Variants in NPY5R observed in about 807,000 individuals in gnomAD.
The protein encoded by NPY5R is neuropeptide Y receptor type 5.
In NPY5R, 21 loss-of-function variants were observed where a neutral mutation model predicts 24.8. The observed-to-expected ratio is 0.85, with a 90% CI of 0.60 to 1.22. NPY5R has a LOEUF of 1.22. Ranked by LOEUF, NPY5R falls within the 50% of genes most tolerant of loss-of-function variation. The pLI is 0.00. For synonymous variants in NPY5R, 175 were observed against 183.0 expected (o/e 0.96, Z 0.35); for missense variants, 481 against 521.3 (o/e 0.92, Z 0.75).
At chr4:163,350,216 C>T in intron 3 of NPY5R, 49 bp from the exon 4 acceptor site, 1 of 1,373,636 alleles carries the variant, frequency 7.3e-7, no homozygotes, top group Non-Finnish European at 9.9e-7. Context: ...TTAAAGTAGT[C>T]ATGTAATGTT....
chr4:163,349,243 TAG>T (rs1735379668), intron 3 of NPY5R: 1 of 437,074 alleles, frequency 2.3e-6, no homozygotes, highest in African/African-American at 2.1e-5. Flanking sequence ...TATTTGTTAC[TAG>T]AGTTTTGTTT....
In NPY5R at chr4:163,350,417, T is replaced by C; in HGVS notation, c.144T>C (p.Tyr48=). The change falls in exon 4 of 4, where the codon TAT becomes TAC. Residue 48 remains tyrosine, a synonymous_variant. Coordinates refer to ENST00000338566, the MANE Select transcript of NPY5R (RefSeq NM_006174.4). ...TACAGTATTTTCTGATTGGGCTCTA[T>C]ACATTTGTAAGTCTTCTTGGCTTTA... ...DDLQYFLIGL[Y]TFVSLLGFMG... The C allele has an allele frequency of 3.7e-6, 6 of 1,613,848 alleles. No individual in the cohort carries two copies. The highest frequency in any genetic ancestry group is 5.1e-6 in the Non-Finnish European group (6 of 1,179,710).
chr4:163,351,396 T>C lies in NPY5R; in HGVS notation c.1123T>C (p.Leu375=), dbSNP rs1686854487. Residue 375 remains leucine, a synonymous_variant, in exon 4 of 4, where the codon TTA becomes CTA. Transcript: ENST00000338566. ...TTTCTACAGACTGACCATACTGATA[T>C]TAGTATTTGCTGTTAGTTGGATGCC... ...SVFYRLTILI[L]VFAVSWMPLH... 6 of 1,612,344 alleles carry C rather than the reference T, an allele frequency of 3.7e-6. No homozygotes were observed. Among genetic ancestry groups the C allele is most frequent in the Non-Finnish European group, 5.1e-6 (6 of 1,178,608 alleles).
In NPY5R at chr4:163,346,837, A is replaced by C. The variant is rs146357945; in HGVS notation, c.-80-615A>C. ...TGTTGTAAATATATCTTACAGTTTT[A>C]GTTGCATGTTGCTTGTGTGATAGCC... On this transcript the variant is annotated intron_variant, in intron 2 of 3. Coordinates refer to ENST00000338566, the MANE Select transcript of NPY5R (RefSeq NM_006174.4). Among the ~76,000 whole-genome samples the C allele has an allele frequency of 6.6e-5, 10 of 152,290 alleles. No individual in the cohort carries two copies. The East Asian group carries it at 1.7e-3, about 26-fold the overall frequency.
At chr4:163,348,000 G>A (rs1735320024) in intron 3 of NPY5R, among the ~76,000 whole-genome samples, 2 of 152,126 alleles carry the variant, frequency 1.3e-5, no homozygotes, top group South Asian at 4.1e-4. Context: ...TTTGAAACTT[G>A]CTACACATAG....
At chr4:163,345,487 GTAAA>G (rs369894444) in intron 1 of NPY5R, 48 of 152,208 alleles carry the variant, frequency 3.2e-4, no homozygotes, top group African/African-American at 1.1e-3. Flanking sequence ...AAGAGAATGA[GTAAA>G]TATAGTAATT....
At position 163,351,424 on chromosome 4, in the gene NPY5R, T is replaced by C. The variant is rs770541555; in HGVS notation, c.1151T>C (p.Leu384Pro). Reference sequence around the variant, plus strand: ...GTATTTGCTGTTAGTTGGATGCCACTACACCTTTTCCATGTGGTAACTGAT... The same window carrying C: ...GTATTTGCTGTTAGTTGGATGCCACCACACCTTTTCCATGTGGTAACTGAT... Reference protein sequence around the residue: ...ILVFAVSWMPLHLFHVVTDFN... With the variant: ...ILVFAVSWMPPHLFHVVTDFN... The change falls in exon 4 of 4, where the codon CTA becomes CCA. Residue 384 changes from leucine to proline, a missense_variant. Coordinates refer to ENST00000338566, the MANE Select transcript of NPY5R (RefSeq NM_006174.4). The C allele has an allele frequency of 6.2e-7, 1 of 1,613,196 alleles. No homozygotes were observed. The highest frequency in any genetic ancestry group is 8.5e-7 in the Non-Finnish European group (1 of 1,179,274).
At chr4:163,349,651 T>A (rs1735394062) in intron 3 of NPY5R, among the ~76,000 whole-genome samples, 1 of 152,258 alleles carries the variant, frequency 6.6e-6, no homozygotes, top group African/African-American at 2.4e-5. Context: ...CTTGAAGTTC[T>A]TGTCTACATT....
chr4:163,347,851 C>A (rs550296287), intron 3 of NPY5R, among the ~76,000 whole-genome samples: 1 of 152,268 alleles, frequency 6.6e-6, no homozygotes, highest in South Asian at 2.1e-4. Context: ...GAATACAATC[C>A]TAAGTCTTTG....
At chr4:163,347,965 G>T (rs1735318644) in intron 3 of NPY5R, among the ~76,000 whole-genome samples, 1 of 152,142 alleles carries the variant, frequency 6.6e-6, no homozygotes, top group Admixed American at 6.5e-5. Flanking sequence ...TTTTCTCATA[G>T]CACAATGATG....
In NPY5R at chr4:163,351,226, C is replaced by G. The variant is rs776528732; in HGVS notation, c.953C>G (p.Ser318Cys). ...AGAATACTTCCAGAAAACTTTGGCT[C>G]TGTAAGAAGTCAGCTCTCTTCATCC... The part of the protein sequence containing the change: ...HSRILPENFG[S>C]VRSQLSSSSK... Residue 318 changes from serine (S) to cysteine (C), a missense_variant, in exon 4 of 4, where the codon TCT becomes TGT. Physicochemically the swap from Ser to Cys is moderately radical, Grantham distance 112. Transcript: ENST00000338566. The G allele has an allele frequency of 1.5e-5, 25 of 1,614,018 alleles. No homozygotes were observed. The South Asian group carries it at 2.5e-4, about 16-fold the overall frequency.
At position 163,351,517 on chromosome 4, in the gene NPY5R, T is replaced by C; in HGVS notation, c.1244T>C (p.Met415Thr). 1 of 1,613,278 alleles carries C rather than the reference T, an allele frequency of 6.2e-7. No homozygotes were observed. The highest frequency in any genetic ancestry group is 2.2e-5 in the East Asian group (1 of 44,862). ...TATTGCATTTGTCATTTGTTGGGCA[T>C]GATGTCCTGTTGTCTTAATCCAATT... is the stretch of plus-strand genomic sequence containing the variant. ...LVYCICHLLG[M>T]MSCCLNPILY... Residue 415 changes from methionine to threonine, a missense_variant, in exon 4 of 4, where the codon ATG becomes ACG. Coordinates refer to ENST00000338566, the MANE Select transcript of NPY5R (RefSeq NM_006174.4).
At position 163,350,813 on chromosome 4, in the gene NPY5R, T is replaced by C; in HGVS notation, c.540T>C (p.Leu180=). Residue 180 remains leucine, a synonymous_variant, in exon 4 of 4, where the codon CTT becomes CTC. Transcript: ENST00000338566. ...CTCCCCTTCCAGTGTTTCACAGTCT[T>C]GTGGAACTTCAAGAAACATTTGGTT... ...ICSPLPVFHS[L]VELQETFGSA... 1 of 1,614,224 alleles carries C rather than the reference T, an allele frequency of 6.2e-7. No individual in the cohort carries two copies. The highest frequency in any genetic ancestry group is 1.7e-5 in the Admixed American group (1 of 60,032).
intron 1 of NPY5R, chr4:163,345,286 G>A (rs1735184216): frequency 6.6e-6 from 1 of 152,030 alleles, no homozygotes; most frequent in African/African-American, 2.4e-5. Flanking sequence ...TATTCAGAAG[G>A]TTTCATTTGT....
At chr4:163,347,391 C>T (rs1476956264) in intron 2 of NPY5R, 61 bp from the exon 3 acceptor site, 1 of 152,134 alleles carries the variant, frequency 6.6e-6, no homozygotes, top group Non-Finnish European at 1.5e-5. Flanking sequence ...GTTACATGTT[C>T]CAAAAAGGCA....
chr4:163,351,779 A>G lies in NPY5R; in HGVS notation c.*168A>G, dbSNP rs1323961976. 1.6e-5 allele frequency: 8 copies of G among 492,514 alleles called. No individual in the cohort carries two copies. The highest frequency in any genetic ancestry group is 7.9e-5 in the African/African-American group (4 of 50,918). The allele number at this position is 492,514 out of a possible 1,614,324, so 30.5% of individuals were successfully genotyped here. On this transcript the variant is annotated 3_prime_UTR_variant, in exon 4 of 4. Coordinates refer to ENST00000338566, the MANE Select transcript of NPY5R (RefSeq NM_006174.4). ...TTCATAATATATGGAAGATAATTTTATGTGTTATAGTAGGATTAATTTATT... is the reference window on the plus strand; with the variant it reads ...TTCATAATATATGGAAGATAATTTTGTGTGTTATAGTAGGATTAATTTATT...
At chr4:163,346,645 A>G (rs903140630) in intron 2 of NPY5R, among the ~76,000 whole-genome samples, 9 of 152,190 alleles carry the variant, frequency 5.9e-5, no homozygotes, top group African/African-American at 9.6e-5. Context: ...CCAGTGTCCA[A>G]TGAATACTCA....
Position 163,350,939 on chromosome 4 carries a change from G to C in NPY5R, c.666G>C (p.Leu222=). 1 of 1,613,880 alleles carries C rather than the reference G, an allele frequency of 6.2e-7. No individual in the cohort carries two copies. Among genetic ancestry groups the C allele is most frequent in the Admixed American group, 1.7e-5 (1 of 60,026 alleles). ...CTTTATTGCTAGTTCAGTATATTCTGCCCTTAGTTTGTCTTACTGTAAGTC... is the reference window on the plus strand; with the variant it reads ...CTTTATTGCTAGTTCAGTATATTCTCCCCTTAGTTTGTCTTACTGTAAGTC... ...TISLLLVQYI[L]PLVCLTVSHT... The change falls in exon 4 of 4, where the codon CTG becomes CTC. Residue 222 remains leucine (L), a synonymous_variant. Transcript: ENST00000338566.
At chr4:163,349,240 TAC>T (rs1735379456) in intron 3 of NPY5R, 1 of 397,804 alleles carries the variant, frequency 2.5e-6, no homozygotes, top group African/African-American at 2.2e-5. Flanking sequence ...TGATATTTGT[TAC>T]TAGAGTTTTG....
Sources: allele counts gnomAD v4.1 joint callset (sites outside exome capture counted in the v4.1 genomes callset), GRCh38; gene constraint gnomAD v4.1.1; transcripts MANE v1.5; gene names NCBI Gene and HGNC (gene_info 2026-07-23, HGNC 2026-07-21).